Variants in ERBB4 observed in about 807,000 individuals in gnomAD.
ERBB4 encodes the protein erb-b2 receptor tyrosine kinase 4.
In ERBB4, 42 loss-of-function variants were observed where a neutral mutation model predicts 158.0. The ratio of observed to expected loss-of-function variants is 0.27; its 90% CI spans 0.21 to 0.34. The LOEUF (loss-of-function observed/expected upper bound fraction) is 0.34, where lower values mean the gene tolerates loss of function less well. ERBB4 is among the 10% of genes least tolerant of loss of function. The probability of loss-of-function intolerance (pLI) is 1.00; values close to 1 mark genes in which losing one functional copy is unlikely to be tolerated. For missense variants in ERBB4, 1,333 were observed against 1,624.1 expected, an observed-to-expected ratio of 0.82 and a Z score of 3.08; for synonymous variants, 583 against 558.7, an observed-to-expected ratio of 1.04 and a Z score of -0.61.
chr2:212,377,462 A>C (rs185642207), intron 1 of ERBB4, among the ~76,000 whole-genome samples: 1 of 151,848 alleles, frequency 6.6e-6, no homozygotes, highest in Admixed American at 6.6e-5. Context: ...CAAGCTACAA[A>C]CCTGCACTGC....
intron 19 of ERBB4, among the ~76,000 whole-genome samples, chr2:211,582,945 T>C (rs766015333): frequency 5.3e-5 from 8 of 152,140 alleles, no homozygotes; most frequent in South Asian, 2.1e-4. Context: ...TTGAGAATAT[T>C]TGAGATATCA....
chr2:211,853,580 GA>G (rs1559576862), intron 3 of ERBB4, among the ~76,000 whole-genome samples: 1 of 152,014 alleles, frequency 6.6e-6, no homozygotes, highest in African/African-American at 2.4e-5. Flanking sequence ...ACACACTCTT[GA>G]GTGATATGGA....
chr2:211,889,743 G>C (rs942719178), intron 3 of ERBB4, among the ~76,000 whole-genome samples: 1 of 150,982 alleles, frequency 6.6e-6, no homozygotes, highest in African/African-American at 2.5e-5. Flanking sequence ...CAAGGCTCGA[G>C]AACTACGTGA....
At chr2:212,207,593 A>G (rs2082803834) in intron 1 of ERBB4, among the ~76,000 whole-genome samples, 1 of 152,214 alleles carries the variant, frequency 6.6e-6, no homozygotes, top group Admixed American at 6.5e-5. Context: ...AAGTATAAGC[A>G]GTGAAAATTT....
At chr2:211,809,142 T>G (rs1235946350) in intron 3 of ERBB4, among the ~76,000 whole-genome samples, 1 of 152,226 alleles carries the variant, frequency 6.6e-6, no homozygotes. Context: ...CTGATTGCCC[T>G]GGCCAGAACT....
chr2:211,595,876 T>G lies in ERBB4; in HGVS notation c.2301+23301A>C, dbSNP rs561402725. 8.5e-5 allele frequency among the ~76,000 whole-genome samples: 13 copies of G among 152,300 alleles called. No homozygotes were observed. In the South Asian group the frequency reaches 2.7e-3, roughly 32 times the overall value. On this transcript the variant is annotated intron_variant, in intron 19 of 27. Coordinates refer to ENST00000342788, the MANE Select transcript of ERBB4 (RefSeq NM_005235.3). Reference sequence around the variant, plus strand: ...TTGAGTATGCGTGTATTTTGGTATCTGCAGAGGTCCTGGAACCAATCCCTC... The same window carrying G: ...TTGAGTATGCGTGTATTTTGGTATCGGCAGAGGTCCTGGAACCAATCCCTC...
At chr2:211,897,975 A>G (rs2079143289) in intron 3 of ERBB4, among the ~76,000 whole-genome samples, 2 of 151,772 alleles carry the variant, frequency 1.3e-5, no homozygotes, top group African/African-American at 4.8e-5. Flanking sequence ...TGTTGTTTAC[A>G]CTGGTCTTGA....
At position 211,472,325 on chromosome 2, in the gene ERBB4, A is replaced by G. The variant is rs369841347; in HGVS notation, c.2488-41225T>C. On this transcript the variant is annotated intron_variant, in intron 20 of 27. Coordinates refer to ENST00000342788, the MANE Select transcript of ERBB4 (RefSeq NM_005235.3). The stretch of plus-strand genomic sequence containing the variant: ...TTATAAATCTTATTATATTAAATAT[A>G]ATATTTAATAATATTGATATGATAA... 8.1e-5 allele frequency among the ~76,000 whole-genome samples: 12 copies of G among 148,902 alleles called. No homozygotes were observed. In the East Asian group the frequency reaches 1.6e-3, roughly 19 times the overall value.
At chr2:211,523,880 C>T (rs1351876788) in intron 20 of ERBB4, among the ~76,000 whole-genome samples, 3 of 151,984 alleles carry the variant, frequency 2.0e-5, no homozygotes, top group Admixed American at 6.5e-5. Context: ...TTGGTAGAGC[C>T]GAGTGGTCTG....
chr2:211,602,908 T>C (rs1159020004), intron 19 of ERBB4, among the ~76,000 whole-genome samples: 1 of 152,106 alleles, frequency 6.6e-6, no homozygotes, highest in Non-Finnish European at 1.5e-5. Context: ...CCATCCAGAC[T>C]GCAGCATGAG....
intron 4 of ERBB4, among the ~76,000 whole-genome samples, chr2:211,772,924 CATATATAT>C (rs1159274288): frequency 8.2e-5 from 3 of 36,738 alleles, no homozygotes; most frequent in South Asian, 2.1e-3. Flanking sequence ...CACACACACA[CATATATAT>C]ATATATATAT....
chr2:211,436,819 G>A (rs1194397713), intron 20 of ERBB4, among the ~76,000 whole-genome samples: 1 of 152,028 alleles, frequency 6.6e-6, no homozygotes, highest in South Asian at 2.1e-4. Context: ...TAATTCACCC[G>A]AAGATGCTGT....
At chr2:212,220,228 T>G (rs1488156668) in intron 1 of ERBB4, among the ~76,000 whole-genome samples, 1 of 151,482 alleles carries the variant, frequency 6.6e-6, no homozygotes, top group African/African-American at 2.4e-5. Context: ...TCAATATTTT[T>G]GAGTATATAA....
intron 25 of ERBB4, 120 bp from the exon 26 acceptor site, chr2:211,388,112 C>A: frequency 1.3e-6 from 1 of 774,308 alleles, no homozygotes; most frequent in Middle Eastern, 2.3e-4. Context: ...GGAAAAAGTG[C>A]ACAACAGTGA....
At chr2:211,445,574 T>G (rs1160285255) in intron 20 of ERBB4, among the ~76,000 whole-genome samples, 1 of 151,962 alleles carries the variant, frequency 6.6e-6, no homozygotes, top group Non-Finnish European at 1.5e-5. Context: ...CTTAAGAAGG[T>G]AAAACTAGCG....
At position 211,379,832 on chromosome 2, in the gene ERBB4, A is replaced by C. The variant is rs1450094896; in HGVS notation, c.*3783T>G. The C allele has an allele frequency of 4.3e-6, 1 of 231,964 alleles. No individual in the cohort carries two copies. Among genetic ancestry groups the C allele is most frequent in the Non-Finnish European group, 8.5e-6 (1 of 117,380 alleles). 14.4% of individuals were successfully genotyped at this position (231,964 alleles called of 1,614,324 possible). ...GAGCTCTAGAAAAACTTGTATTTACATCCTTCCCTGTCAGGCTTAAACAAT... is the reference window on the plus strand; with the variant it reads ...GAGCTCTAGAAAAACTTGTATTTACCTCCTTCCCTGTCAGGCTTAAACAAT... On this transcript the variant is annotated 3_prime_UTR_variant, in exon 28 of 28. Coordinates refer to ENST00000342788, the MANE Select transcript of ERBB4 (RefSeq NM_005235.3).
chr2:212,443,690 A>C (rs2092298038), intron 1 of ERBB4, among the ~76,000 whole-genome samples: 1 of 152,202 alleles, frequency 6.6e-6, no homozygotes, highest in African/African-American at 2.4e-5. Context: ...GGGCCCTGTG[A>C]CCCAGCAGAT....
intron 1 of ERBB4, among the ~76,000 whole-genome samples, chr2:212,253,044 G>T (rs16848098): frequency 6.6e-6 from 1 of 152,012 alleles, no homozygotes; most frequent in African/African-American, 2.4e-5. Context: ...ATTGAGAAAA[G>T]TCGTCAGTTA....
rs561308858 is a variant in ERBB4, at chr2:212,285,202, C to G, written c.83-160299G>C. Among the ~76,000 whole-genome samples, 279 of 152,238 alleles carry G rather than the reference C, an allele frequency of 1.8e-3. 2 individuals are homozygous for G. The highest frequency in any genetic ancestry group is 6.4e-3 in the African/African-American group (264 of 41,568). ...CGCCAAAACAGAGATAATCATTCAG[C>G]ACTATGGTCACATAATCACGTGGTT... On this transcript the variant is annotated intron_variant, in intron 1 of 27. Coordinates refer to ENST00000342788, the MANE Select transcript of ERBB4 (RefSeq NM_005235.3).
Sources: allele counts gnomAD v4.1 joint callset (sites outside exome capture counted in the v4.1 genomes callset), GRCh38; gene constraint gnomAD v4.1.1; transcripts MANE v1.5; gene names NCBI Gene and HGNC (gene_info 2026-07-23, HGNC 2026-07-21).